EOMES: variants seen among roughly 807,000 people sequenced by gnomAD.
EOMES encodes the protein eomesodermin homolog.
Under a neutral mutation model 61.0 loss-of-function variants are expected in EOMES, and 18 were observed. The ratio of observed to expected loss-of-function variants is 0.30; its 90% CI spans 0.20 to 0.44. The LOEUF is 0.44. Among genes scored for constraint, EOMES ranks in the 20% least tolerant of loss-of-function variants. EOMES has a pLI of 1.00. For synonymous variants in EOMES, 430 were observed against 394.0 expected (o/e 1.09, Z -1.08); for missense variants, 885 against 939.2 (o/e 0.94, Z 0.75).
rs757951406 is a variant in EOMES, at chr3:27,718,845, C to T, written c.1207G>A (p.Val403Ile). The change falls in exon 4 of 6, where the codon GTT (valine) becomes ATT (isoleucine). Residue 403 changes from valine to isoleucine, a missense_variant. Physicochemically the swap from Val to Ile is conservative, Grantham distance 29. This residue lies in a region of EOMES where 177 missense variants were observed against 273.3 expected (regional missense o/e 0.65). Transcript: ENST00000449599. ...LHKYQPRLHI[V>I]EVTEDGVEDL... Reference sequence around the variant, plus strand: ...TCCACGCCATCCTCTGTAACTTCAACAATATGCAGTCGGGGTTGGTATTTG... The same window carrying T: ...TCCACGCCATCCTCTGTAACTTCAATAATATGCAGTCGGGGTTGGTATTTG... The T allele has an allele frequency of 6.2e-7, 1 of 1,614,060 alleles. No homozygotes were observed. The highest frequency in any genetic ancestry group is 1.1e-5 in the South Asian group (1 of 91,084).
rs1391165628 is a variant in EOMES at position 27,721,577 on chromosome 3, A to G, written c.718T>C (p.Tyr240His). The change falls in exon 1 of 6, where the codon TAC becomes CAC. Residue 240 changes from tyrosine (Y) to histidine (H), a missense_variant. Transcript: ENST00000449599. This position sits in a 1 kb window ranked among gnomAD's most constrained non-coding sequence, Gnocchi z 7.4. ...GCTGCGGCTCCAGGGTACGGCCCGT[A>G]GAGCGGAGCCCCCTGGCTGTACTGA... ...TYQYSQGAPL[Y>H]GPYPGAAAAG... The G allele has an allele frequency of 1.3e-6, 2 of 1,587,592 alleles. No homozygotes were observed.
chr3:27,718,353 A>G lies in EOMES; in HGVS notation c.1379+234T>C, dbSNP rs138385500. 3.7e-3 allele frequency among the ~76,000 whole-genome samples: 559 copies of G among 152,300 alleles called. 5 individuals carry two copies. Among genetic ancestry groups the G allele is most frequent in the African/African-American group, 0.013 (538 of 41,570 alleles). On this transcript the variant is annotated intron_variant, in intron 5 of 5. Transcript: ENST00000449599. ...CTTAAAATTTCAAATCTTCACTCAA[A>G]TGCTAAAAAAACCTCTTCATTTTTA...
At chr3:27,719,293 G>A (rs2060592657) in intron 3 of EOMES, 67 bp downstream of exon 3, 1 of 1,432,218 alleles carries the variant, frequency 7.0e-7, no homozygotes, top group Non-Finnish European at 9.8e-7. Flanking sequence ...AAAGAGTAGG[G>A]ACTCTTATTA....
rs62253095 is a variant in EOMES at position 27,717,655 on chromosome 3, G to A, written c.1533C>T (p.Gly511=). ...CGTTGGTCTGTGGCACGGTTCTCTCGCCATTATAATAGCGGGCTTGAGGTA... is the reference window on the plus strand; with the variant it reads ...CGTTGGTCTGTGGCACGGTTCTCTCACCATTATAATAGCGGGCTTGAGGTA... The part of the protein sequence containing the change: ...NTLPQARYYN[G]ERTVPQTNGL... Residue 511 remains glycine, a synonymous_variant, in exon 6 of 6, where the codon GGC becomes GGT. Coordinates refer to ENST00000449599, the MANE Select transcript of EOMES (RefSeq NM_001278182.2). The surrounding 1 kb of genome is among the most constrained non-coding windows in gnomAD (Gnocchi z 4.5). The A allele has an allele frequency of 6.0e-5, 97 of 1,613,904 alleles. 1 individual carries two copies. The highest frequency in any genetic ancestry group is 6.7e-5 in the Admixed American group (4 of 59,990).
upstream of EOMES, chr3:27,722,655 C>T (rs2060626079): frequency 9.5e-7 from 1 of 1,050,334 alleles, no homozygotes; most frequent in Non-Finnish European, 1.1e-6. Context: ...CCCACTAGCC[C>T]GCGCCTTTCT....
At chr3:27,718,537 A>G (rs2060586355) in intron 5 of EOMES, 50 bp downstream of exon 5, 3 of 1,220,622 alleles carry the variant, frequency 2.5e-6, no homozygotes, top group Admixed American at 3.7e-5. Context: ...CTGTTGATGT[A>G]TGTCCTGCTC....
At chr3:27,722,448 C>T, upstream of EOMES, 2 of 1,367,414 alleles carry the variant, frequency 1.5e-6, no homozygotes, top group South Asian at 1.8e-5. Flanking sequence ...TCGCGGGCCG[C>T]TACTGCGCGT....
intron 3 of EOMES, 40 bp downstream of exon 3, chr3:27,719,320 T>C: frequency 6.2e-7 from 1 of 1,606,646 alleles, no homozygotes; most frequent in African/African-American, 1.3e-5. Flanking sequence ...AGCCTTATAG[T>C]CAAAGCCAGA....
At position 27,716,867 on chromosome 3, in the gene EOMES, AT is replaced by A. The variant is rs1241801937; in HGVS notation, c.*202del. On this transcript the variant is annotated 3_prime_UTR_variant, in exon 6 of 6. Transcript: ENST00000449599. ...TACCTTAAAGTCTTCCATTAATCTT[AT>A]TTTTTAAAAATGCTAGGTTTGTTTC... 3 of 553,734 alleles carry A rather than the reference AT, an allele frequency of 5.4e-6. No homozygotes were observed. Among genetic ancestry groups the A allele is most frequent in the Non-Finnish European group, 9.5e-6 (3 of 315,276 alleles). The allele number at this position is 553,734 out of a possible 1,614,324, so 34.3% of individuals were successfully genotyped here.
Position 27,721,995 on chromosome 3 carries a change from G to C in EOMES, c.300C>G (p.Pro100=). 1 of 1,472,284 alleles carries C rather than the reference G, an allele frequency of 6.8e-7. No individual in the cohort carries two copies. The highest frequency in any genetic ancestry group is 8.9e-7 in the Non-Finnish European group (1 of 1,118,468). The allele number at this position is 1,472,284 out of a possible 1,614,324, so 91.2% of individuals were successfully genotyped here. A position where few individuals can be genotyped will look rare whatever the true frequency, so the allele number is the denominator to read the frequency against. Residue 100 remains proline (P), a synonymous_variant, in exon 1 of 6, where the codon CCC becomes CCG. Transcript: ENST00000449599. This position sits in a 1 kb window ranked among gnomAD's most constrained non-coding sequence, Gnocchi z 7.4. ...ASAAAVAKPG[P]PDGRKGSPCG... Reference sequence around the variant, plus strand: ...AGGGGGAGCCCTTGCGGCCGTCCGGGGGCCCCGGCTTGGCCACTGCCGCAG... The same window carrying C: ...AGGGGGAGCCCTTGCGGCCGTCCGGCGGCCCCGGCTTGGCCACTGCCGCAG...
At position 27,717,206 on chromosome 3, in the gene EOMES, C is replaced by T. The variant is rs976510191; in HGVS notation, c.1982G>A (p.Arg661Gln). ...GGAGTTGCTAGGAGACAGCCGCCTT[C>T]GCTTACAAGCACTGGTGTATACTCC... ...DSGVYTSACK[R>Q]RRLSPSNSSN... Residue 661 changes from arginine to glutamine, a missense_variant, in exon 6 of 6, where the codon CGA (arginine) becomes CAA (glutamine). By Grantham distance (43) the Arg-to-Gln change is conservative (BLOSUM62 1). Coordinates refer to ENST00000449599, the MANE Select transcript of EOMES (RefSeq NM_001278182.2). This position sits in a 1 kb window ranked among gnomAD's most constrained non-coding sequence, Gnocchi z 4.5. 11 of 1,613,298 alleles carry T rather than the reference C, an allele frequency of 6.8e-6. No homozygotes were observed. Among genetic ancestry groups the T allele is most frequent in the South Asian group, 1.1e-5 (1 of 91,084 alleles).
chr3:27,722,129 A>G lies in EOMES; in HGVS notation c.166T>C (p.Ser56Pro). ...ACCGCCTCGCAGGAGAGACTGCCGG[A>G]AAACTTCTTGGACGCTTTGTCTAAG... ...LDLDKASKKF[S>P]GSLSCEAVSG... Residue 56 changes from serine (S) to proline (P), a missense_variant, in exon 1 of 6, where the codon TCC becomes CCC. Ser to Pro is a moderately conservative substitution (Grantham distance 74). Coordinates refer to ENST00000449599, the MANE Select transcript of EOMES (RefSeq NM_001278182.2). 1.9e-6 allele frequency: 3 copies of G among 1,555,808 alleles called. No homozygotes were observed. Among genetic ancestry groups the G allele is most frequent in the Non-Finnish European group, 2.6e-6 (3 of 1,150,106 alleles).
rs1025410400 is a variant in EOMES at position 27,716,104 on chromosome 3, TAGG to T, written c.*963_*965del. ...GGGATGGCGCAAGAAGAGGATGAAA[TAGG>T]AGTTTTCCTTAAACACGGTTCAAGT... is the stretch of plus-strand genomic sequence containing the variant. On this transcript the variant is annotated 3_prime_UTR_variant, in exon 6 of 6. Coordinates refer to ENST00000449599, the MANE Select transcript of EOMES (RefSeq NM_001278182.2). The T allele has an allele frequency of 6.6e-6, 1 of 152,188 alleles. No homozygotes were observed. Among genetic ancestry groups the T allele is most frequent in the Non-Finnish European group, 1.5e-5 (1 of 68,056 alleles). The allele number at this position is 152,188 out of a possible 1,614,324, so 9.4% of individuals were successfully genotyped here. A position where few individuals can be genotyped will look rare whatever the true frequency, so the allele number is the denominator to read the frequency against.
Position 27,721,915 on chromosome 3 carries a change from G to GCGC in EOMES, c.379_380insGCG (p.Ala126_Ala127insGly). The GCGC allele has an allele frequency of 8.0e-7, 1 of 1,243,526 alleles. No individual in the cohort carries two copies. The highest frequency in any genetic ancestry group is 2.6e-5 in the South Asian group (1 of 38,826). 77.0% of individuals were successfully genotyped at this position (1,243,526 alleles called of 1,614,324 possible). On this transcript the variant is annotated inframe_insertion, in exon 1 of 6. Transcript: ENST00000449599. This position sits in a 1 kb window ranked among gnomAD's most constrained non-coding sequence, Gnocchi z 7.4. ...GGAGTAGCGCGCAGTGGCCGCAGCC[G>GCGC]CGGCGGCGGCGGCGGCGGCGGCTGC...
rs745490307 is a variant in EOMES, at chr3:27,717,845, A to G, written c.1380-37T>C. The G allele has an allele frequency of 2.0e-5, 28 of 1,421,180 alleles. No individual in the cohort carries two copies. The South Asian group carries it at 4.1e-4, about 21-fold the overall frequency. The allele number at this position is 1,421,180 out of a possible 1,614,324, so 88.0% of individuals were successfully genotyped here. A position where few individuals can be genotyped will look rare whatever the true frequency, so the allele number is the denominator to read the frequency against. On this transcript the variant is annotated intron_variant, in intron 5 of 5. Coordinates refer to ENST00000449599, the MANE Select transcript of EOMES (RefSeq NM_001278182.2). The surrounding 1 kb of genome is among the most constrained non-coding windows in gnomAD (Gnocchi z 4.5). ...AGAGAAACACTTAAAAAAAAAAAAA[A>G]ACCCTAATGTTGTCCCCAAACAAAC...
chr3:27,718,559 G>T, intron 5 of EOMES, 28 bp downstream of exon 5: 1 of 1,533,958 alleles, frequency 6.5e-7, no homozygotes, highest in Non-Finnish European at 9.0e-7. Flanking sequence ...GAGATGATCA[G>T]GCAAGTGTGG....
chr3:27,721,793 C>G lies in EOMES; in HGVS notation c.502G>C (p.Ala168Pro). ...APCSLFPYQAAAGAPHGPVYP... is the reference protein window; with the variant it reads ...APCSLFPYQAPAGAPHGPVYP... ...ACAGGTCCGTGGGGCGCCCCAGCCG[C>G]CGCCTGGTACGGGAAGAGTGAGCAG... The change falls in exon 1 of 6, where the codon GCG (alanine) becomes CCG (proline). Residue 168 changes from alanine (A) to proline (P), a missense_variant. Coordinates refer to ENST00000449599, the MANE Select transcript of EOMES (RefSeq NM_001278182.2). This position sits in a 1 kb window ranked among gnomAD's most constrained non-coding sequence, Gnocchi z 7.4. 6.7e-7 allele frequency: 1 copy of G among 1,503,566 alleles called. No individual in the cohort carries two copies. 93.1% of individuals were successfully genotyped at this position (1,503,566 alleles called of 1,614,324 possible). A position where few individuals can be genotyped will look rare whatever the true frequency, so the allele number is the denominator to read the frequency against.
At position 27,721,292 on chromosome 3, in the gene EOMES, C is replaced by T. The variant is rs1356913414; in HGVS notation, c.881+122G>A. The T allele has an allele frequency of 6.9e-6, 5 of 724,848 alleles. No homozygotes were observed. In the African/African-American group the frequency reaches 7.1e-5, roughly 10 times the overall value. The allele number at this position is 724,848 out of a possible 1,614,324, so 44.9% of individuals were successfully genotyped here. A position where few individuals can be genotyped will look rare whatever the true frequency, so the allele number is the denominator to read the frequency against. ...GGTGTCTACGGAGATTTATTGCGCG[C>T]GGTGAAACACTCTAAGCACCGCGCG... On this transcript the variant is annotated intron_variant, in intron 1 of 5. Coordinates refer to ENST00000449599, the MANE Select transcript of EOMES (RefSeq NM_001278182.2). The surrounding 1 kb of genome is among the most constrained non-coding windows in gnomAD (Gnocchi z 7.4).
rs767064280 is a variant in EOMES at position 27,721,916 on chromosome 3, C to CGGA, written c.378_379insTCC (p.Ala126_Ala127insSer). 2 of 1,246,976 alleles carry CGGA rather than the reference C, an allele frequency of 1.6e-6. No individual in the cohort carries two copies. Among genetic ancestry groups the CGGA allele is most frequent in the Non-Finnish European group, 2.0e-6 (2 of 986,478 alleles). 77.2% of individuals were successfully genotyped at this position (1,246,976 alleles called of 1,614,324 possible). A position where few individuals can be genotyped will look rare whatever the true frequency, so the allele number is the denominator to read the frequency against. ...GAGTAGCGCGCAGTGGCCGCAGCCG[C>CGGA]GGCGGCGGCGGCGGCGGCGGCTGCA... On this transcript the variant is annotated inframe_insertion, in exon 1 of 6. Transcript: ENST00000449599. The surrounding 1 kb of genome is among the most constrained non-coding windows in gnomAD (Gnocchi z 7.4).
Sources: gnomAD v4.1 joint callset for allele counts (sites outside exome capture counted in the v4.1 genomes callset) on GRCh38, gnomAD v4.1.1 for gene constraint, gnomAD v4.1.1 regional missense constraint, Gnocchi (gnomAD v3.1) non-coding constraint, MANE v1.5 for transcripts, NCBI Gene and HGNC (gene_info 2026-07-23, HGNC 2026-07-21) for gene names.